Variants in CFAP58 observed in about 807,000 individuals in gnomAD.
CFAP58 encodes cilia and flagella associated protein 58, also known as cilia- and flagella-associated protein 58.
A neutral mutation model predicts 119.5 loss-of-function variants in CFAP58; 88 were observed. That is an observed-to-expected ratio of 0.74 (90% CI 0.62 to 0.88). The LOEUF (loss-of-function observed/expected upper bound fraction) is 0.88, where lower values mean the gene tolerates loss of function less well. CFAP58 is among the 40% of genes least tolerant of loss of function. CFAP58 has a pLI of 0.00. For missense variants in CFAP58, 990 were observed against 1,021.2 expected, an observed-to-expected ratio of 0.97 and a Z score of 0.42; for synonymous variants, 365 against 366.3, an observed-to-expected ratio of 1.00 and a Z score of 0.04.
At chr10:104,391,971 CT>C (rs1409909933) in intron 9 of CFAP58, among the ~76,000 whole-genome samples, 1 of 151,810 alleles carries the variant, frequency 6.6e-6, no homozygotes, top group Non-Finnish European at 1.5e-5. Context: ...AATTTCTTCT[CT>C]TTTTTTTCTT....
chr10:104,405,526 G>A (rs181583313), intron 14 of CFAP58, among the ~76,000 whole-genome samples: 111 of 152,318 alleles, frequency 7.3e-4, no homozygotes, highest in Middle Eastern at 3.4e-3. Flanking sequence ...CAAAATGTCA[G>A]TACAGTTGAA....
chr10:104,419,272 T>C (rs1233871898), intron 15 of CFAP58, among the ~76,000 whole-genome samples: 1 of 152,056 alleles, frequency 6.6e-6, no homozygotes, highest in East Asian at 1.9e-4. Flanking sequence ...ACCTACTTGG[T>C]TTGCCCAAGA....
At chr10:104,349,866 G>A (rs775900582), upstream of CFAP58, among the ~76,000 whole-genome samples, 7 of 152,226 alleles carry the variant, frequency 4.6e-5, no homozygotes, top group Non-Finnish European at 1.0e-4. Flanking sequence ...GAGAGAAAGA[G>A]AGAGAGTCAA....
chr10:104,421,504 C>A (rs529868514), intron 15 of CFAP58, among the ~76,000 whole-genome samples: 11 of 152,346 alleles, frequency 7.2e-5, no homozygotes, highest in African/African-American at 2.6e-4. Context: ...TCCTCTAAAT[C>A]TTTGACTGGG....
chr10:104,356,734 T>G (rs889417775), intron 1 of CFAP58, among the ~76,000 whole-genome samples: 1 of 152,210 alleles, frequency 6.6e-6, no homozygotes, highest in Non-Finnish European at 1.5e-5. Flanking sequence ...CATAGAGAAC[T>G]TTGAATACAT....
Position 104,358,318 on chromosome 10 carries a change from C to A in CFAP58, c.10-23C>A, listed in dbSNP as rs753842641. On this transcript the variant is annotated intron_variant, in intron 1 of 17. Coordinates refer to ENST00000369704, the MANE Select transcript of CFAP58 (RefSeq NM_001008723.2). ...GATGTAAATGTTGCATTGCCCTTTC[C>A]CATCCCTGCTTTTTTTCTATAGGAA... 8.1e-6 allele frequency: 13 copies of A among 1,598,658 alleles called. 1 individual carries two copies. The South Asian group carries it at 1.5e-4, about 18-fold the overall frequency.
intron 15 of CFAP58, 72 bp downstream of exon 15, chr10:104,406,865 A>T (rs995256823): frequency 1.3e-5 from 16 of 1,208,014 alleles, no homozygotes; most frequent in African/African-American, 1.5e-5. Context: ...CGTTCTTAGA[A>T]TTAGTTATTT....
At chr10:104,374,685 CA>C (rs2133003034) in intron 7 of CFAP58, among the ~76,000 whole-genome samples, 1 of 151,400 alleles carries the variant, frequency 6.6e-6, no homozygotes, top group African/African-American at 2.4e-5. Context: ...TGATGATATC[CA>C]GGGGTGGTTT....
intron 9 of CFAP58, among the ~76,000 whole-genome samples, chr10:104,390,908 T>C (rs2012026087): frequency 6.6e-6 from 1 of 152,188 alleles, no homozygotes; most frequent in Admixed American, 6.5e-5. Flanking sequence ...TAGTACAAAA[T>C]TATATACATT....
At chr10:104,386,269 T>C (rs973869514) in intron 9 of CFAP58, among the ~76,000 whole-genome samples, 1 of 151,422 alleles carries the variant, frequency 6.6e-6, no homozygotes, top group Non-Finnish European at 1.5e-5. Context: ...TCCCAGCTAC[T>C]TGGGAGGCTG....
intron 15 of CFAP58, among the ~76,000 whole-genome samples, chr10:104,444,742 G>A (rs1374257072): frequency 6.6e-6 from 1 of 152,160 alleles, no homozygotes; most frequent in Non-Finnish European, 1.5e-5. Context: ...GTGAAGCCGG[G>A]CAATACACAT....
intron 15 of CFAP58, among the ~76,000 whole-genome samples, chr10:104,433,556 G>C (rs1330301613): frequency 6.6e-6 from 1 of 152,168 alleles, no homozygotes; most frequent in Non-Finnish European, 1.5e-5. Flanking sequence ...ATCAGGGAGT[G>C]ACAGTGATTT....
Position 104,357,882 on chromosome 10 carries a change from CAT to C in CFAP58, c.10-453_10-452del, listed in dbSNP as rs1261987214. The stretch of plus-strand genomic sequence containing the variant: ...ACACATATATACACATATATGTACA[CAT>C]ATATAAACATATATGTACACATATA... On this transcript the variant is annotated intron_variant, in intron 1 of 17. Coordinates refer to ENST00000369704, the MANE Select transcript of CFAP58 (RefSeq NM_001008723.2). Among the ~76,000 whole-genome samples, 150 of 108,502 alleles carry C rather than the reference CAT, an allele frequency of 1.4e-3. 6 individuals carry two copies. The highest frequency in any genetic ancestry group is 2.6e-3 in the African/African-American group (64 of 24,458). 71.2% of individuals were successfully genotyped at this position (108,502 alleles called of 152,430 possible).
At chr10:104,418,838 C>G (rs1269078768) in intron 15 of CFAP58, among the ~76,000 whole-genome samples, 2 of 152,162 alleles carry the variant, frequency 1.3e-5, no homozygotes, top group Non-Finnish European at 2.9e-5. Context: ...CTCCCCAAAG[C>G]TGGGCTGAAA....
chr10:104,441,707 C>T (rs1433378892), intron 15 of CFAP58, among the ~76,000 whole-genome samples: 1 of 152,132 alleles, frequency 6.6e-6, no homozygotes, highest in Non-Finnish European at 1.5e-5. Context: ...CCTCATAAAA[C>T]ACTTACTCAT....
rs758754324 is a variant in CFAP58 at position 104,447,680 on chromosome 10, G to A, written c.2257-18G>A. 1.3e-5 allele frequency: 21 copies of A among 1,612,888 alleles called. No individual in the cohort carries two copies. Among genetic ancestry groups the A allele is most frequent in the African/African-American group, 2.7e-5 (2 of 74,886 alleles). ...GACGGGGCTGTTTATCTCTGCTCCT[G>A]GTTCTGCTCTCCACTAGGAAAAGGA... On this transcript the variant is annotated intron_variant, in intron 15 of 17. Coordinates refer to ENST00000369704, the MANE Select transcript of CFAP58 (RefSeq NM_001008723.2).
At chr10:104,376,515 A>G (rs952553027) in intron 7 of CFAP58, among the ~76,000 whole-genome samples, 6 of 151,042 alleles carry the variant, frequency 4.0e-5, no homozygotes, top group South Asian at 2.1e-4. Context: ...AAAAAAAAAA[A>G]AAAAAAGAAA....
intron 15 of CFAP58, among the ~76,000 whole-genome samples, chr10:104,446,262 C>T (rs2013111591): frequency 6.6e-6 from 1 of 152,188 alleles, no homozygotes; most frequent in African/African-American, 2.4e-5. Context: ...TTCAAGTTCT[C>T]TTCTTTGGCA....
intron 15 of CFAP58, among the ~76,000 whole-genome samples, chr10:104,421,115 G>A (rs1308648077): frequency 6.6e-6 from 1 of 152,116 alleles, no homozygotes; most frequent in Admixed American, 6.6e-5. Context: ...AACGTCAGAA[G>A]TCCACGAAAT....
Sources: gnomAD v4.1 joint callset for allele counts (sites outside exome capture counted in the v4.1 genomes callset) on GRCh38, gnomAD v4.1.1 for gene constraint, MANE v1.5 for transcripts, NCBI Gene and HGNC (gene_info 2026-07-23, HGNC 2026-07-21) for gene names.